Variants in EDC3 observed in about 807,000 individuals in gnomAD.
EDC3 encodes enhancer of mRNA decapping 3.
A neutral mutation model predicts 41.8 loss-of-function variants in EDC3; 20 were observed. The ratio of observed to expected loss-of-function variants is 0.48; its 90% CI spans 0.34 to 0.70. EDC3 has a LOEUF of 0.70. Among genes scored for constraint, EDC3 ranks in the 30% least tolerant of loss-of-function variants. The pLI is 0.01. For missense variants in EDC3, 444 were observed against 636.8 expected, an observed-to-expected ratio of 0.70 and a Z score of 3.26; for synonymous variants, 206 against 243.2, an observed-to-expected ratio of 0.85 and a Z score of 1.42.
In EDC3 at chr15:74,683,812, G is replaced by A. The variant is rs1596332548; in HGVS notation, c.-18-8670C>T. ...ATCAATAAATGCAGAAAGATAATTG[G>A]ACAAAATTTAACAATCATTCACTAT... On this transcript the variant is annotated intron_variant, in intron 1 of 6. Coordinates refer to ENST00000315127, the MANE Select transcript of EDC3 (RefSeq NM_025083.5). Among the ~76,000 whole-genome samples the A allele has an allele frequency of 3.9e-5, 6 of 152,128 alleles. 1 individual carries two copies. In the South Asian group the frequency reaches 1.2e-3, roughly 32 times the overall value.
intron 1 of EDC3, among the ~76,000 whole-genome samples, chr15:74,694,381 C>T (rs1264529902): frequency 6.6e-6 from 1 of 152,166 alleles, no homozygotes; most frequent in Non-Finnish European, 1.5e-5. Context: ...TATCTTGGCT[C>T]ACTGCAACCT....
chr15:74,651,169 C>T (rs1013601512), intron 4 of EDC3, among the ~76,000 whole-genome samples: 1 of 152,160 alleles, frequency 6.6e-6, no homozygotes, highest in Admixed American at 6.5e-5. Context: ...AAACTTAACA[C>T]ATGCACGTAG....
At chr15:74,640,216 C>A (rs1053967901) in intron 5 of EDC3, 1 of 446,302 alleles carries the variant, frequency 2.2e-6, no homozygotes, top group Non-Finnish European at 4.0e-6. Context: ...GTCTCAGGCC[C>A]GATGGCTGCT....
chr15:74,656,042 G>GCT lies in EDC3; in HGVS notation c.510_511insAG (p.Gln171SerfsTer10). Reference sequence around the variant, plus strand: ...AAACCACTTTTCTTGGGAGTTGCCTGATTTGGGTGCCTGCTACTAGATGAC... The same window carrying GCT: ...AAACCACTTTTCTTGGGAGTTGCCTGCTATTTGGGTGCCTGCTACTAGATGAC... On this transcript the variant is annotated frameshift_variant, in exon 4 of 7. Coordinates refer to ENST00000315127, the MANE Select transcript of EDC3 (RefSeq NM_025083.5). LOFTEE classifies it high-confidence loss of function. 6.2e-7 allele frequency: 1 copy of GCT among 1,612,174 alleles called. No homozygotes were observed. Among genetic ancestry groups the GCT allele is most frequent in the Non-Finnish European group, 8.5e-7 (1 of 1,178,774 alleles).
At chr15:74,683,547 G>A (rs956487252) in intron 1 of EDC3, among the ~76,000 whole-genome samples, 1 of 151,430 alleles carries the variant, frequency 6.6e-6, no homozygotes, top group African/African-American at 2.4e-5. Flanking sequence ...GGGGACTCTT[G>A]TAGTAATGGA....
intron 1 of EDC3, among the ~76,000 whole-genome samples, chr15:74,681,102 T>C (rs188683229): frequency 2.6e-5 from 4 of 152,316 alleles, no homozygotes; most frequent in African/African-American, 9.6e-5. Context: ...TCTGTAGATA[T>C]AGACAAGGTT....
intron 3 of EDC3, among the ~76,000 whole-genome samples, chr15:74,660,177 C>T (rs2062604599): frequency 2.0e-5 from 3 of 151,784 alleles, no homozygotes; most frequent in African/African-American, 4.8e-5. Context: ...ACTTGCACTC[C>T]GGCCTGAGCA....
At chr15:74,669,343 CAA>C (rs59652636) in intron 3 of EDC3, among the ~76,000 whole-genome samples, 135 of 95,826 alleles carry the variant, frequency 1.4e-3, no homozygotes, top group African/African-American at 2.6e-3. Context: ...AACTCTGTCT[CAA>C]AAAAAAAAAA....
At position 74,644,694 on chromosome 15, in the gene EDC3, C is replaced by T. The variant is rs574246833; in HGVS notation, c.821-4075G>A. 6 of 151,772 alleles carry T rather than the reference C, an allele frequency of 4.0e-5. No homozygotes were observed. In the South Asian group the frequency reaches 1.0e-3, roughly 26 times the overall value. 9.4% of individuals were successfully genotyped at this position (151,772 alleles called of 1,614,324 possible). A position where few individuals can be genotyped will look rare whatever the true frequency, so the allele number is the denominator to read the frequency against. ...TATATAAATAAATCTGACTCCCCAC[C>T]TCTTCCCTTCCCCACTTACAACTAG... On this transcript the variant is annotated intron_variant, in intron 4 of 6. Transcript: ENST00000315127.
At chr15:74,646,523 A>G (rs1039272847) in intron 4 of EDC3, among the ~76,000 whole-genome samples, 2 of 152,258 alleles carry the variant, frequency 1.3e-5, no homozygotes, top group Non-Finnish European at 2.9e-5. Context: ...TCAGGTCTCA[A>G]TTTGAACTAT....
At position 74,671,028 on chromosome 15, in the gene EDC3, GTT is replaced by G. The variant is rs78353509; in HGVS notation, c.484+425_484+426del. Among the ~76,000 whole-genome samples the G allele has an allele frequency of 6.8e-6, 1 of 146,338 alleles. No individual in the cohort carries two copies. Among genetic ancestry groups the G allele is most frequent in the Non-Finnish European group, 1.5e-5 (1 of 66,096 alleles). On this transcript the variant is annotated intron_variant, in intron 3 of 6. Coordinates refer to ENST00000315127, the MANE Select transcript of EDC3 (RefSeq NM_025083.5). The surrounding 1 kb of genome is among the most constrained non-coding windows in gnomAD (Gnocchi z 4.6). ...TACCAACATCAGTAACAGGATTTAA[GTT>G]TTTTTTTTTTTCTTTTTCAGAAACA... is the stretch of plus-strand genomic sequence containing the variant.
At chr15:74,684,063 A>G (rs1170050419) in intron 1 of EDC3, among the ~76,000 whole-genome samples, 8 of 129,262 alleles carry the variant, frequency 6.2e-5, no homozygotes, top group African/African-American at 2.4e-4. Context: ...TTTATTTTAT[A>G]TATTTTGGTT....
chr15:74,640,527 G>C lies in EDC3; in HGVS notation c.913C>G (p.Leu305Val). ...EKHGLTLERRLEMTGVCASQM... is the reference protein window; with the variant it reads ...EKHGLTLERRVEMTGVCASQM... ...CTGGCACACACACCTGTCATCTCCA[G>C]TCTCCGCTCAAGGGTCAGCCCATGC... Residue 305 changes from leucine (L) to valine (V), a missense_variant, in exon 5 of 7, where the codon CTG becomes GTG. Leu to Val is a conservative substitution (Grantham distance 32). Transcript: ENST00000315127. 2 of 1,614,240 alleles carry C rather than the reference G, an allele frequency of 1.2e-6. No individual in the cohort carries two copies. The highest frequency in any genetic ancestry group is 2.2e-5 in the South Asian group (2 of 91,088).
At chr15:74,675,898 AT>A (rs1443992603) in intron 1 of EDC3, among the ~76,000 whole-genome samples, 1 of 151,768 alleles carries the variant, frequency 6.6e-6, no homozygotes, top group Non-Finnish European at 1.5e-5. Flanking sequence ...AAAAAAAGAA[AT>A]TTTTTTAAAG....
chr15:74,689,816 GC>G (rs1343934605), intron 1 of EDC3, among the ~76,000 whole-genome samples: 1 of 152,146 alleles, frequency 6.6e-6, no homozygotes, highest in Non-Finnish European at 1.5e-5. Context: ...GAGCCACTGC[GC>G]CCGGCCCTGC....
At chr15:74,640,385 G>A in intron 5 of EDC3, 81 bp downstream of exon 5, 3 of 1,481,954 alleles carry the variant, frequency 2.0e-6, no homozygotes, top group Admixed American at 1.9e-5. Flanking sequence ...ACTCGTATGT[G>A]TGTATGGGAG....
At chr15:74,681,855 G>A (rs1461779355) in intron 1 of EDC3, among the ~76,000 whole-genome samples, 2 of 152,142 alleles carry the variant, frequency 1.3e-5, no homozygotes, top group African/African-American at 2.4e-5. Flanking sequence ...AGAGTTCTTA[G>A]ACTTGACACC....
chr15:74,689,509 TCTCC>T (rs1411245416), intron 1 of EDC3, among the ~76,000 whole-genome samples: 1 of 152,102 alleles, frequency 6.6e-6, no homozygotes, highest in Admixed American at 6.6e-5. Context: ...TTGTCTTCCT[TCTCC>T]CTCCATTTCT....
chr15:74,671,869 T>C lies in EDC3; in HGVS notation c.165-95A>G, dbSNP rs1278254260. The C allele has an allele frequency of 6.5e-6, 8 of 1,234,200 alleles. No individual in the cohort carries two copies. Among genetic ancestry groups the C allele is most frequent in the African/African-American group, 1.5e-5 (1 of 66,744 alleles). 76.5% of individuals were successfully genotyped at this position (1,234,200 alleles called of 1,614,324 possible). Reference sequence around the variant, plus strand: ...GCAAACAGCTACCCCTTTGCAGGACTGCATTTTATTGAGTTATCAGAGGCT... The same window carrying C: ...GCAAACAGCTACCCCTTTGCAGGACCGCATTTTATTGAGTTATCAGAGGCT... On this transcript the variant is annotated intron_variant, in intron 2 of 6. Coordinates refer to ENST00000315127, the MANE Select transcript of EDC3 (RefSeq NM_025083.5). This position sits in a 1 kb window ranked among gnomAD's most constrained non-coding sequence, Gnocchi z 4.6.
Sources: allele counts gnomAD v4.1 joint callset (sites outside exome capture counted in the v4.1 genomes callset), GRCh38; gene constraint gnomAD v4.1.1; non-coding constraint Gnocchi (gnomAD v3.1); transcripts MANE v1.5; gene names NCBI Gene and HGNC (gene_info 2026-07-23, HGNC 2026-07-21).